The following ANKHD1 variants were observed in gnomAD, a reference collection of about 807,000 sequenced individuals.
ANKHD1 encodes the protein ankyrin repeat and KH domain-containing protein 1.
ANKHD1 carries 31 observed loss-of-function variants against 230.5 expected under a neutral mutation model. The ratio of observed to expected loss-of-function variants is 0.13; its 90% CI spans 0.10 to 0.18. The LOEUF (loss-of-function observed/expected upper bound fraction) is 0.18. Among genes scored for constraint, ANKHD1 ranks in the 10% least tolerant of loss-of-function variants. The pLI, the probability that ANKHD1 is intolerant of heterozygous loss-of-function variation, is 1.00. For synonymous variants in ANKHD1, 1,074 were observed against 1,117.6 expected, an observed-to-expected ratio of 0.96 and a Z score of 0.78; for missense variants, 2,256 against 3,071.3, an observed-to-expected ratio of 0.73 and a Z score of 6.27.
At chr5:140,461,881 G>A (rs184657068) in intron 9 of ANKHD1, among the ~76,000 whole-genome samples, 133 of 152,140 alleles carry the variant, frequency 8.7e-4, no homozygotes, top group African/African-American at 2.4e-3. Flanking sequence ...AAATCTGTAT[G>A]TATGTGTTTA....
intron 1 of ANKHD1, among the ~76,000 whole-genome samples, chr5:140,415,713 C>G (rs1247052868): frequency 6.6e-6 from 1 of 151,912 alleles, no homozygotes; most frequent in East Asian, 1.9e-4. Flanking sequence ...GCTGGGATTA[C>G]AGGCCTCAGC....
Position 140,404,784 on chromosome 5 carries a change from T to C in ANKHD1, c.306+2511T>C, listed in dbSNP as rs79245853. Among the ~76,000 whole-genome samples, 1,020 of 151,542 alleles carry C rather than the reference T, an allele frequency of 6.7e-3. 13 individuals are homozygous for C. Among genetic ancestry groups the C allele is most frequent in the African/African-American group, 0.023 (949 of 41,328 alleles). ...TATGTTGTCCAGGCTAGCCTCAAAC[T>C]CCTGGGCTCGGGTGGTCCTCCTACC... On this transcript the variant is annotated intron_variant, in intron 1 of 33. Transcript: ENST00000360839.
At chr5:140,408,174 C>A (rs1770632224) in intron 1 of ANKHD1, among the ~76,000 whole-genome samples, 1 of 152,024 alleles carries the variant, frequency 6.6e-6, no homozygotes, top group African/African-American at 2.4e-5. Context: ...AAGACTCCAT[C>A]TCAAAAAATT....
intron 1 of ANKHD1, among the ~76,000 whole-genome samples, chr5:140,426,929 C>T (rs1367983450): frequency 6.6e-6 from 1 of 152,252 alleles, no homozygotes; most frequent in Non-Finnish European, 1.5e-5. Context: ...TCTACACAGA[C>T]ACGGCAACCA....
At chr5:140,452,153 G>T (rs993754634) in intron 7 of ANKHD1, among the ~76,000 whole-genome samples, 2 of 152,180 alleles carry the variant, frequency 1.3e-5, no homozygotes, top group Admixed American at 6.5e-5. Context: ...CAAACTGCAA[G>T]GCGGCAGCCA....
chr5:140,507,986 A>G lies in ANKHD1; in HGVS notation c.3753A>G (p.Glu1251=). 6.2e-7 allele frequency: 1 copy of G among 1,613,714 alleles called. No homozygotes were observed. The highest frequency in any genetic ancestry group is 8.5e-7 in the Non-Finnish European group (1 of 1,179,656). The stretch of plus-strand genomic sequence containing the variant: ...TTCTGGACCGAAAAGCCAATGTTGA[A>G]CATAGGGCAAAGGTAAGCATTTTTT... ...SLLLDRKANV[E]HRAKTGLTPL... Residue 1251 remains glutamate, a synonymous_variant, in exon 20 of 34, where the codon GAA becomes GAG. Coordinates refer to ENST00000360839, the MANE Select transcript of ANKHD1 (RefSeq NM_017747.3). The surrounding 1 kb of genome is among the most constrained non-coding windows in gnomAD (Gnocchi z 4.1).
chr5:140,479,862 G>A (rs1751188985), intron 10 of ANKHD1, among the ~76,000 whole-genome samples: 1 of 150,072 alleles, frequency 6.7e-6, no homozygotes, highest in African/African-American at 2.4e-5. Flanking sequence ...AACCAATAAT[G>A]GGAATATATA....
intron 2 of ANKHD1, among the ~76,000 whole-genome samples, chr5:140,438,124 C>G (rs1207686832): frequency 2.0e-5 from 3 of 152,194 alleles, no homozygotes; most frequent in Non-Finnish European, 2.9e-5. Flanking sequence ...ATATCCTGTA[C>G]TAGAGATCTT....
intron 20 of ANKHD1, 122 bp from the exon 21 acceptor site, chr5:140,509,515 T>C (rs558587374): frequency 8.3e-7 from 1 of 1,210,876 alleles, no homozygotes; most frequent in Admixed American, 3.5e-5. Context: ...TAATCAGAAC[T>C]AGAATTGTCT....
At chr5:140,471,057 G>T (rs948270171) in intron 10 of ANKHD1, among the ~76,000 whole-genome samples, 4 of 152,054 alleles carry the variant, frequency 2.6e-5, no homozygotes, top group African/African-American at 9.7e-5. Context: ...TACCCATTGA[G>T]CATCCCTAAT....
intron 1 of ANKHD1, among the ~76,000 whole-genome samples, chr5:140,430,440 G>A (rs1396045059): frequency 6.6e-6 from 1 of 152,144 alleles, no homozygotes; most frequent in Admixed American, 6.5e-5. Context: ...TTGCTGTGAT[G>A]TTATAGCTAT....
In ANKHD1 at chr5:140,512,809, A is replaced by G; in HGVS notation, c.4105-19A>G. 1 of 1,569,454 alleles carries G rather than the reference A, an allele frequency of 6.4e-7. No individual in the cohort carries two copies. The highest frequency in any genetic ancestry group is 8.6e-7 in the Non-Finnish European group (1 of 1,162,898). ...TTCTTTTCATGCTACCTTGTCTAAGATTGTTGTACTTCTTATAGGGTCATG... is the reference window on the plus strand; with the variant it reads ...TTCTTTTCATGCTACCTTGTCTAAGGTTGTTGTACTTCTTATAGGGTCATG... On this transcript the variant is annotated intron_variant, in intron 22 of 33. Coordinates refer to ENST00000360839, the MANE Select transcript of ANKHD1 (RefSeq NM_017747.3).
intron 1 of ANKHD1, among the ~76,000 whole-genome samples, chr5:140,408,895 G>T (rs1770698740): frequency 6.6e-6 from 1 of 152,128 alleles, no homozygotes; most frequent in South Asian, 2.1e-4. Flanking sequence ...TACTTGGCTA[G>T]TATGATCTAT....
At position 140,489,468 on chromosome 5, in the gene ANKHD1, C is replaced by T. The variant is rs150791278; in HGVS notation, c.2245+2408C>T. On this transcript the variant is annotated intron_variant, in intron 14 of 33. Transcript: ENST00000360839. ...TTGTACCACTGCACTCCAGCCTGGG[C>T]GACAGCCTCAAAATATAAATAAATA... Among the ~76,000 whole-genome samples, 377 of 151,878 alleles carry T rather than the reference C, an allele frequency of 2.5e-3. 2 individuals are homozygous for T. Among genetic ancestry groups the T allele is most frequent in the Non-Finnish European group, 1.6e-3 (107 of 67,962 alleles).
intron 29 of ANKHD1, among the ~76,000 whole-genome samples, chr5:140,534,391 CA>C (rs1208990002): frequency 0.016 from 1,363 of 84,514 alleles, 8 homozygotes; most frequent in African/African-American, 0.029. Flanking sequence ...GACTCCGTCT[CA>C]AAAAAAAAAA....
In ANKHD1 at chr5:140,519,625, A is replaced by G. The variant is rs192404585; in HGVS notation, c.4318-4441A>G. Among the ~76,000 whole-genome samples, 659 of 152,338 alleles carry G rather than the reference A, an allele frequency of 4.3e-3. 1 individual carries two copies. The highest frequency in any genetic ancestry group is 5.6e-3 in the Non-Finnish European group (384 of 68,028). On this transcript the variant is annotated intron_variant, in intron 24 of 33. Transcript: ENST00000360839. ...ACAGAGCCCTCAGAAATAACGCCGC[A>G]TGTCTACAACTATCTGATCTTTGAC... is the stretch of plus-strand genomic sequence containing the variant.
chr5:140,457,219 G>A (rs1208829827), intron 7 of ANKHD1, among the ~76,000 whole-genome samples: 1 of 152,190 alleles, frequency 6.6e-6, no homozygotes, highest in Non-Finnish European at 1.5e-5. Flanking sequence ...TGCTGGAGAG[G>A]ATGTGGAGAA....
At chr5:140,484,202 T>C (rs1751409980) in intron 11 of ANKHD1, among the ~76,000 whole-genome samples, 1 of 152,240 alleles carries the variant, frequency 6.6e-6, no homozygotes. Context: ...TTTTACCCAC[T>C]GACTTATTTT....
intron 1 of ANKHD1, among the ~76,000 whole-genome samples, chr5:140,429,449 ACTCT>A (rs1357525358): frequency 1.4e-4 from 22 of 152,066 alleles, no homozygotes; most frequent in Non-Finnish European, 2.5e-4. Context: ...CTAATATTTG[ACTCT>A]CTAACTCAAA....
Sources: allele counts gnomAD v4.1 joint callset (sites outside exome capture counted in the v4.1 genomes callset), GRCh38; gene constraint gnomAD v4.1.1; non-coding constraint Gnocchi (gnomAD v3.1); transcripts MANE v1.5; gene names NCBI Gene and HGNC (gene_info 2026-07-23, HGNC 2026-07-21).